The following OGDHL variants were observed in gnomAD, a reference collection of about 807,000 sequenced individuals.
OGDHL encodes the protein 2-oxoglutarate dehydrogenase-like, mitochondrial.
A neutral mutation model predicts 109.6 loss-of-function variants in OGDHL; 79 were observed. The ratio of observed to expected loss-of-function variants is 0.72; its 90% CI spans 0.60 to 0.87. The LOEUF is 0.87. Among genes scored for constraint, OGDHL ranks in the 40% least tolerant of loss-of-function variants. OGDHL has a pLI of 0.00. For missense variants in OGDHL, 1,275 were observed against 1,362.2 expected (o/e 0.94, Z 1.01); for synonymous variants, 528 against 537.2 (o/e 0.98, Z 0.24).
intron 12 of OGDHL, 110 bp from the exon 13 acceptor site, chr10:49,744,862 T>C: frequency 1.2e-6 from 1 of 853,266 alleles, no homozygotes; most frequent in Non-Finnish European, 1.9e-6. Flanking sequence ...CTTCTAGAAC[T>C]CTCTGTCTCT....
chr10:49,745,331 C>G lies in OGDHL; in HGVS notation c.1629+13G>C. The G allele has an allele frequency of 6.2e-7, 1 of 1,612,612 alleles. No individual in the cohort carries two copies. Among genetic ancestry groups the G allele is most frequent in the South Asian group, 1.1e-5 (1 of 91,024 alleles). ...AAGTTTGTCTTGGGCGCCCCTGCAG[C>G]CTGCCTGCCCACCTCAAACTCCTGC... On this transcript the variant is annotated intron_variant, in intron 12 of 22. Coordinates refer to ENST00000374103, the MANE Select transcript of OGDHL (RefSeq NM_018245.3).
rs1372840089 is a variant in OGDHL, at chr10:49,744,588, G to A, written c.1732+62C>T. 5.3e-6 allele frequency: 7 copies of A among 1,319,992 alleles called. No individual in the cohort carries two copies. In the Admixed American group the frequency reaches 8.4e-5, roughly 16 times the overall value. 81.8% of individuals were successfully genotyped at this position (1,319,992 alleles called of 1,614,324 possible). A position where few individuals can be genotyped will look rare whatever the true frequency, so the allele number is the denominator to read the frequency against. On this transcript the variant is annotated intron_variant, in intron 13 of 22. Coordinates refer to ENST00000374103, the MANE Select transcript of OGDHL (RefSeq NM_018245.3). The stretch of plus-strand genomic sequence containing the variant: ...TGTCACCCAGGGCCATTCCAGTCCT[G>A]ATCCCAGTGCAAGACCTCAAGGCCC...
In OGDHL at chr10:49,736,464, G is replaced by A. The variant is rs751823900; in HGVS notation, c.2647C>T (p.Gln883Ter). 3 of 1,613,802 alleles carry A rather than the reference G, an allele frequency of 1.9e-6. No homozygotes were observed. Among genetic ancestry groups the A allele is most frequent in the African/African-American group, 1.3e-5 (1 of 74,922 alleles). The part of the protein sequence containing the change: ...EDGAAARAPE[Q>*]VQRLIFCTGK... ...GTGCAGAAGATGAGCCGCTGCACCT[G>A]CTCAGGGGCCCGTGCTGCGGCCCCA... is the stretch of plus-strand genomic sequence containing the variant. The change falls in exon 21 of 23, where the codon CAG becomes TAG. Residue 883 changes from glutamine (Q) to a stop codon, truncating the protein, a stop_gained. Transcript: ENST00000374103. LOFTEE classifies it high-confidence loss of function.
chr10:49,746,280 G>T (rs1413654069), intron 10 of OGDHL, among the ~76,000 whole-genome samples: 1 of 152,190 alleles, frequency 6.6e-6, no homozygotes, highest in Admixed American at 6.5e-5. Context: ...GCAACCTGGG[G>T]CAAGGTGCTT....
At chr10:49,738,151 T>C in intron 18 of OGDHL, 40 bp downstream of exon 18, 1 of 1,613,784 alleles carries the variant, frequency 6.2e-7, no homozygotes, top group Non-Finnish European at 8.5e-7. Flanking sequence ...GTGGGCACAA[T>C]AGGGCGCGTC....
rs751264929 is a variant in OGDHL, at chr10:49,756,884, C to T, written c.267G>A (p.Arg89=). ...EEAFSGSAQP[R]PPSVVHESRS... is the part of the protein sequence containing the mutation. ...TGCTCTCATGGACAACAGAAGGGGG[C>T]CGTGGCTGAGCAGAGCCAGAAAAGG... The change falls in exon 3 of 23, where the codon CGG becomes CGA. Residue 89 remains arginine (R), a synonymous_variant. Transcript: ENST00000374103. 2.5e-6 allele frequency: 4 copies of T among 1,613,928 alleles called. No individual in the cohort carries two copies. Among genetic ancestry groups the T allele is most frequent in the Non-Finnish European group, 3.4e-6 (4 of 1,179,918 alleles).
At chr10:49,756,640 G>A (rs1842932142) in intron 3 of OGDHL, 136 bp downstream of exon 3, 6 of 821,792 alleles carry the variant, frequency 7.3e-6, no homozygotes, top group Admixed American at 3.0e-5. Flanking sequence ...TAGAGGAGTA[G>A]GTGCCGCTCA....
chr10:49,748,348 C>T (rs1216245023), intron 8 of OGDHL, among the ~76,000 whole-genome samples: 1 of 152,158 alleles, frequency 6.6e-6, no homozygotes, highest in African/African-American at 2.4e-5. Context: ...AATAAGGTTG[C>T]ACTGGAAAAA....
At chr10:49,762,342 G>GT (rs1224629835), upstream of OGDHL, 1 of 152,172 alleles carries the variant, frequency 6.6e-6, no homozygotes, top group African/African-American at 2.4e-5. Flanking sequence ...CCTGGGTCAC[G>GT]TGACGCAGCC....
rs375656495 is a variant in OGDHL at position 49,750,891 on chromosome 10, C to A, written c.844G>T (p.Asp282Tyr). ...TCAATCCCCATCTCGCTGGATTTGTCGATGATGGTCTTGAGGGCAGGAATC... is the reference window on the plus strand; with the variant it reads ...TCAATCCCCATCTCGCTGGATTTGTAGATGATGGTCTTGAGGGCAGGAATC... Reference protein sequence around the residue: ...VMIPALKTIIDKSSEMGIENV... With the variant: ...VMIPALKTIIYKSSEMGIENV... Residue 282 changes from aspartate (D) to tyrosine (Y), a missense_variant, in exon 7 of 23, where the codon GAC (aspartate) becomes TAC (tyrosine). Asp to Tyr is a radical substitution (Grantham distance 160). Coordinates refer to ENST00000374103, the MANE Select transcript of OGDHL (RefSeq NM_018245.3). The A allele has an allele frequency of 1.2e-6, 2 of 1,612,312 alleles. No individual in the cohort carries two copies. The highest frequency in any genetic ancestry group is 1.7e-6 in the Non-Finnish European group (2 of 1,179,246).
Position 49,736,031 on chromosome 10 carries a change from C to T in OGDHL, c.2901G>A (p.Arg967=), listed in dbSNP as rs1487805839. Residue 967 remains arginine, a synonymous_variant, in exon 22 of 23, where the codon CGG becomes CGA. Coordinates refer to ENST00000374103, the MANE Select transcript of OGDHL (RefSeq NM_018245.3). The part of the protein sequence containing the change: ...PRFMTILRRA[R]PIWYVGRDPA... Reference sequence around the variant, plus strand: ...GCGGCCCCACCATGTACCATATGGGCCGTGCGCGCCTCAGGATGGTCATGA... The same window carrying T: ...GCGGCCCCACCATGTACCATATGGGTCGTGCGCGCCTCAGGATGGTCATGA... 1 of 1,580,662 alleles carries T rather than the reference C, an allele frequency of 6.3e-7. No individual in the cohort carries two copies. Among genetic ancestry groups the T allele is most frequent in the Non-Finnish European group, 8.6e-7 (1 of 1,164,674 alleles).
chr10:49,757,778 T>C (rs1032003656), intron 2 of OGDHL, among the ~76,000 whole-genome samples: 1 of 152,212 alleles, frequency 6.6e-6, no homozygotes, highest in Non-Finnish European at 1.5e-5. Flanking sequence ...CAGGTTACTT[T>C]TGCGTAAAGG....
At chr10:49,737,004 C>T (rs929832879) in intron 20 of OGDHL, among the ~76,000 whole-genome samples, 6 of 152,200 alleles carry the variant, frequency 3.9e-5, no homozygotes, top group Non-Finnish European at 8.8e-5. Flanking sequence ...GCCCATGATC[C>T]TGACCCCAGG....
chr10:49,755,015 G>A (rs753513104), intron 3 of OGDHL, among the ~76,000 whole-genome samples: 27 of 152,234 alleles, frequency 1.8e-4, no homozygotes, highest in African/African-American at 6.0e-4. Context: ...AGGCCAAGGC[G>A]GGCAGATCAC....
Position 49,740,849 on chromosome 10 carries a change from C to T in OGDHL, c.2013-12G>A, listed in dbSNP as rs774069964. 1.9e-6 allele frequency: 3 copies of T among 1,613,576 alleles called. No individual in the cohort carries two copies. The highest frequency in any genetic ancestry group is 2.5e-6 in the Non-Finnish European group (3 of 1,179,724). On this transcript the variant is annotated splice_polypyrimidine_tract_variant and intron_variant, in intron 15 of 22. Coordinates refer to ENST00000374103, the MANE Select transcript of OGDHL (RefSeq NM_018245.3). ...CATGGTGCCGGTGACTGCAGAGACA[C>T]AGACCGGGGCAGGGACAGAGGGCAG...
At position 49,736,054 on chromosome 10, in the gene OGDHL, T is replaced by G. The variant is rs1463486868; in HGVS notation, c.2878A>C (p.Met960Leu). The change falls in exon 22 of 23, where the codon ATG becomes CTG. Residue 960 changes from methionine (M) to leucine (L), a missense_variant. Met to Leu is a conservative substitution (Grantham distance 15). Coordinates refer to ENST00000374103, the MANE Select transcript of OGDHL (RefSeq NM_018245.3). ...GYYDYISPRF[M>L]TILRRARPIW... Reference sequence around the variant, plus strand: ...GGCCGTGCGCGCCTCAGGATGGTCATGAAGCGTGGGCTGATGTAGTCATAG... The same window carrying G: ...GGCCGTGCGCGCCTCAGGATGGTCAGGAAGCGTGGGCTGATGTAGTCATAG... 1 of 1,604,192 alleles carries G rather than the reference T, an allele frequency of 6.2e-7. No individual in the cohort carries two copies. The highest frequency in any genetic ancestry group is 2.2e-5 in the East Asian group (1 of 44,838).
chr10:49,735,012 A>T lies in OGDHL; in HGVS notation c.*216T>A, dbSNP rs183841958. 25 of 475,420 alleles carry T rather than the reference A, an allele frequency of 5.3e-5. No individual in the cohort carries two copies. The highest frequency in any genetic ancestry group is 7.9e-5 in the Admixed American group (2 of 25,440). The allele number at this position is 475,420 out of a possible 1,614,324, so 29.5% of individuals were successfully genotyped here. A position where few individuals can be genotyped will look rare whatever the true frequency, so the allele number is the denominator to read the frequency against. On this transcript the variant is annotated 3_prime_UTR_variant, in exon 23 of 23. Coordinates refer to ENST00000374103, the MANE Select transcript of OGDHL (RefSeq NM_018245.3). Reference sequence around the variant, plus strand: ...CAGCTGGGGGATGCTCCAGCACAGTAGCCTGCCTATAGGACTCCTCTGGCT... The same window carrying T: ...CAGCTGGGGGATGCTCCAGCACAGTTGCCTGCCTATAGGACTCCTCTGGCT...
chr10:49,746,953 GA>G, intron 9 of OGDHL, 75 bp from the exon 10 acceptor site: 1 of 1,608,944 alleles, frequency 6.2e-7, no homozygotes, highest in Non-Finnish European at 8.5e-7. Context: ...GTACTGTGGA[GA>G]CCCAGGGTCC....
chr10:49,758,354 C>G (rs758491263), intron 2 of OGDHL, 35 bp downstream of exon 2: 1 of 1,579,800 alleles, frequency 6.3e-7, no homozygotes, highest in Non-Finnish European at 8.6e-7. Flanking sequence ...GCTTCCCTCC[C>G]TTGCGGTGGC....
Sources: gnomAD v4.1 joint callset for allele counts (sites outside exome capture counted in the v4.1 genomes callset) on GRCh38, gnomAD v4.1.1 for gene constraint, MANE v1.5 for transcripts, NCBI Gene and HGNC (gene_info 2026-07-23, HGNC 2026-07-21) for gene names.